Variants in RASAL2 observed in about 807,000 individuals in gnomAD.
The protein encoded by RASAL2 is ras GTPase-activating protein nGAP.
Under a neutral mutation model 128.9 loss-of-function variants are expected in RASAL2, and 58 were observed. The observed-to-expected ratio is 0.45, with a 90% CI of 0.36 to 0.56. The LOEUF (loss-of-function observed/expected upper bound fraction) is 0.56, where lower values mean the gene tolerates loss of function less well. RASAL2 is among the 20% of genes least tolerant of loss of function. RASAL2 has a pLI of 0.00. For synonymous variants in RASAL2, 561 were observed against 580.8 expected (o/e 0.97, Z 0.49); for missense variants, 1,360 against 1,601.6 (o/e 0.85, Z 2.57).
rs527927583 is a variant in RASAL2 at position 178,191,954 on chromosome 1, A to T, written c.203-91610A>T. Among the ~76,000 whole-genome samples, 4 of 152,328 alleles carry T rather than the reference A, an allele frequency of 2.6e-5. No individual in the cohort carries two copies. In the South Asian group the frequency reaches 8.3e-4, roughly 32 times the overall value. On this transcript the variant is annotated intron_variant, in intron 1 of 17. Transcript: ENST00000367649. ...ACAGTTTCTCAGTCTCAAAAGACTT[A>T]TGTGAATCTAATTATTATAAAAATA...
intron 1 of RASAL2, among the ~76,000 whole-genome samples, chr1:178,144,936 CTATTATT>C (rs1660665842): frequency 6.6e-6 from 1 of 152,108 alleles, no homozygotes; most frequent in Admixed American, 6.5e-5. Flanking sequence ...GTTAGAACTG[CTATTATT>C]TAGTATCCTT....
intron 1 of RASAL2, among the ~76,000 whole-genome samples, chr1:178,158,430 C>G (rs902440075): frequency 2.0e-5 from 3 of 152,084 alleles, no homozygotes; most frequent in African/African-American, 7.2e-5. Flanking sequence ...ATAGCAAGTA[C>G]TCCATGAATG....
intron 3 of RASAL2, among the ~76,000 whole-genome samples, chr1:178,329,832 C>T (rs906497311): frequency 3.3e-5 from 5 of 151,438 alleles, no homozygotes; most frequent in Non-Finnish European, 5.9e-5. Flanking sequence ...GGTGACAGAG[C>T]GAGATCCTGT....
intron 1 of RASAL2, among the ~76,000 whole-genome samples, chr1:178,255,838 G>T (rs963769438): frequency 1.3e-5 from 2 of 152,136 alleles, no homozygotes; most frequent in Non-Finnish European, 2.9e-5. Flanking sequence ...TATAAATTCA[G>T]TTATGTCAAT....
At chr1:178,200,614 G>T (rs1276260761) in intron 1 of RASAL2, among the ~76,000 whole-genome samples, 1 of 152,148 alleles carries the variant, frequency 6.6e-6, no homozygotes. Flanking sequence ...AGTTGAAATT[G>T]TGGGAAAACA....
At chr1:178,338,830 G>A (rs766289336) in intron 3 of RASAL2, among the ~76,000 whole-genome samples, 1 of 152,096 alleles carries the variant, frequency 6.6e-6, no homozygotes. Flanking sequence ...AGTTTTCTCC[G>A]GTTGCTGAAA....
intron 1 of RASAL2, among the ~76,000 whole-genome samples, chr1:178,204,524 G>A (rs1025308780): frequency 1.3e-5 from 2 of 152,106 alleles, no homozygotes. Flanking sequence ...TACACAGACT[G>A]GAGTATTTTA....
intron 5 of RASAL2, among the ~76,000 whole-genome samples, chr1:178,430,907 TACACACACACACACAC>T (rs71297897): frequency 1.2e-4 from 16 of 134,062 alleles, no homozygotes; most frequent in East Asian, 2.2e-4. Context: ...GGCAAAAAAG[TACACACACACACACAC>T]ACACACACAC....
intron 1 of RASAL2, among the ~76,000 whole-genome samples, chr1:178,200,955 C>T (rs187035134): frequency 1.4e-4 from 21 of 152,252 alleles, no homozygotes; most frequent in African/African-American, 4.6e-4. Context: ...CGGTGCCTGG[C>T]AAGACACCCA....
chr1:178,306,061 A>G (rs1667970351), intron 3 of RASAL2, among the ~76,000 whole-genome samples: 1 of 152,246 alleles, frequency 6.6e-6, no homozygotes, highest in Non-Finnish European at 1.5e-5. Flanking sequence ...GTTTACAGTT[A>G]CCAAGGATAC....
intron 1 of RASAL2, among the ~76,000 whole-genome samples, chr1:178,161,112 T>TA (rs1257487581): frequency 1.0e-3 from 7 of 6,788 alleles, no homozygotes; most frequent in East Asian, 0.01. Context: ...CTCAAATACT[T>TA]TAAAAAAAAA....
chr1:178,132,271 G>T (rs1660149810), intron 1 of RASAL2, among the ~76,000 whole-genome samples: 1 of 149,792 alleles, frequency 6.7e-6, no homozygotes, highest in Non-Finnish European at 1.5e-5. Flanking sequence ...TGCCAAGGCT[G>T]TTCTCGAGCT....
At position 178,258,238 on chromosome 1, in the gene RASAL2, G is replaced by T. The variant is rs141640869; in HGVS notation, c.203-25326G>T. Among the ~76,000 whole-genome samples the T allele has an allele frequency of 9.1e-3, 1,347 of 147,354 alleles. 20 individuals carry two copies. The highest frequency in any genetic ancestry group is 0.032 in the African/African-American group (1,266 of 39,616). ...GAACCCGGGAGGTGGAGTTTGCAGT[G>T]AGCCAAGATCGCGCCACTGCATTCC... is the stretch of plus-strand genomic sequence containing the variant. On this transcript the variant is annotated intron_variant, in intron 1 of 17. Coordinates refer to ENST00000367649, the MANE Select transcript of RASAL2 (RefSeq NM_170692.4).
intron 1 of RASAL2, among the ~76,000 whole-genome samples, chr1:178,122,126 A>G (rs1423206886): frequency 6.6e-6 from 1 of 152,186 alleles, no homozygotes; most frequent in East Asian, 1.9e-4. Flanking sequence ...CGTGGAATCC[A>G]TGGAGCTGAC....
chr1:178,221,307 G>A (rs752263299), intron 1 of RASAL2, among the ~76,000 whole-genome samples: 3 of 151,952 alleles, frequency 2.0e-5, no homozygotes, highest in Non-Finnish European at 4.4e-5. Context: ...TTCTACTTAC[G>A]TTGTATTTAA....
chr1:178,227,397 A>T (rs746784983), intron 1 of RASAL2, among the ~76,000 whole-genome samples: 1 of 152,206 alleles, frequency 6.6e-6, no homozygotes, highest in Non-Finnish European at 1.5e-5. Flanking sequence ...TTCATGTTAC[A>T]TTATGGCAGA....
Position 178,110,637 on chromosome 1 carries a change from C to CATATATAT in RASAL2, c.202+15952_202+15959dup, listed in dbSNP as rs1553250958. 2.9e-3 allele frequency among the ~76,000 whole-genome samples: 46 copies of CATATATAT among 15,630 alleles called. 1 individual carries two copies. The highest frequency in any genetic ancestry group is 6.0e-3 in the Admixed American group (6 of 994). The allele number at this position is 15,630 out of a possible 152,430, so 10.3% of individuals were successfully genotyped here. A position where few individuals can be genotyped will look rare whatever the true frequency, so the allele number is the denominator to read the frequency against. On this transcript the variant is annotated intron_variant, in intron 1 of 17. Transcript: ENST00000367649. ...CTATATACACTATATATAGTGTATA[C>CATATATAT]ATATATATATATATATGTATGTATA...
chr1:178,283,627 C>T lies in RASAL2; in HGVS notation c.266C>T (p.Thr89Met), dbSNP rs374211213. The T allele has an allele frequency of 1.7e-5, 27 of 1,613,814 alleles. No homozygotes were observed. The highest frequency in any genetic ancestry group is 2.2e-5 in the East Asian group (1 of 44,860). The change falls in exon 2 of 18, where the codon ACG becomes ATG. Residue 89 changes from threonine (T) to methionine (M), a missense_variant. Thr to Met is a moderately conservative substitution (Grantham distance 81, BLOSUM62 -1). Coordinates refer to ENST00000367649, the MANE Select transcript of RASAL2 (RefSeq NM_170692.4). ...CGQSPYTETT[T>M]WERKYCILTD... ...CAGTCACCCTACACCGAGACAACAACGTGGGAGCGGAAGTATTGCATCCTC... is the reference window on the plus strand; with the variant it reads ...CAGTCACCCTACACCGAGACAACAATGTGGGAGCGGAAGTATTGCATCCTC...
At chr1:178,098,543 C>T (rs928289528) in intron 1 of RASAL2, among the ~76,000 whole-genome samples, 2 of 152,062 alleles carry the variant, frequency 1.3e-5, no homozygotes, top group Non-Finnish European at 2.9e-5. Context: ...GAGTGTAGGA[C>T]ACTCTGGGAG....
Sources: allele counts gnomAD v4.1 joint callset (sites outside exome capture counted in the v4.1 genomes callset), GRCh38; gene constraint gnomAD v4.1.1; transcripts MANE v1.5; gene names NCBI Gene and HGNC (gene_info 2026-07-23, HGNC 2026-07-21).